Variants in CCSER1 observed in about 807,000 individuals in gnomAD.
The protein encoded by CCSER1 is serine-rich coiled-coil domain-containing protein 1.
Under a neutral mutation model 82.0 loss-of-function variants are expected in CCSER1, and 41 were observed. The observed-to-expected ratio is 0.50, with a 90% CI of 0.39 to 0.65. The LOEUF (loss-of-function observed/expected upper bound fraction) is 0.65, where lower values mean the gene tolerates loss of function less well. Among genes scored for constraint, CCSER1 ranks in the 30% least tolerant of loss-of-function variants. The pLI is 0.00. For missense variants in CCSER1, 1,119 were observed against 1,064.2 expected (o/e 1.05, Z -0.72); for synonymous variants, 414 against 383.9 (o/e 1.08, Z -0.92).
chr4:90,887,188 C>T (rs1722254929), intron 8 of CCSER1, among the ~76,000 whole-genome samples: 1 of 151,976 alleles, frequency 6.6e-6, no homozygotes, highest in Non-Finnish European at 1.5e-5. Flanking sequence ...ATTCAGGCCA[C>T]CAAGAAGAAT....
At chr4:91,182,884 T>TACCTC (rs1420540262) in intron 10 of CCSER1, among the ~76,000 whole-genome samples, 2 of 152,248 alleles carry the variant, frequency 1.3e-5, no homozygotes, top group African/African-American at 4.8e-5. Context: ...CTGTAAAAGA[T>TACCTC]GAGGCATGTA....
At chr4:90,408,050 C>G (rs1754018146) in intron 4 of CCSER1, among the ~76,000 whole-genome samples, 1 of 152,182 alleles carries the variant, frequency 6.6e-6, no homozygotes, top group Non-Finnish European at 1.5e-5. Context: ...GCACAGCAGT[C>G]TAAGATCAAA....
At chr4:91,555,444 A>G (rs1762353966) in intron 10 of CCSER1, among the ~76,000 whole-genome samples, 1 of 151,098 alleles carries the variant, frequency 6.6e-6, no homozygotes, top group Non-Finnish European at 1.5e-5. Flanking sequence ...GACTAGTTTA[A>G]AGCCCAATGC....
intron 1 of CCSER1, among the ~76,000 whole-genome samples, chr4:90,290,355 C>G (rs77359923): frequency 0.027 from 4,039 of 151,812 alleles, 61 homozygotes; most frequent in South Asian, 0.054. Context: ...GAAATATATA[C>G]ATAGGATTCC....
intron 7 of CCSER1, among the ~76,000 whole-genome samples, chr4:90,769,310 C>T (rs1375555162): frequency 3.9e-5 from 6 of 152,058 alleles, no homozygotes; most frequent in Admixed American, 2.6e-4. Flanking sequence ...ACATTTTCAG[C>T]TTGAACAAAG....
intron 5 of CCSER1, among the ~76,000 whole-genome samples, chr4:90,613,936 A>T (rs952779414): frequency 2.0e-5 from 3 of 152,196 alleles, no homozygotes; most frequent in Non-Finnish European, 2.9e-5. Context: ...CTCAGGTTTA[A>T]ATACTGGCAT....
chr4:91,165,432 C>G (rs544883257), intron 10 of CCSER1, among the ~76,000 whole-genome samples: 79 of 152,302 alleles, frequency 5.2e-4, no homozygotes, highest in African/African-American at 1.8e-3. Context: ...AGCTCAAACA[C>G]TGAGCTGGGT....
intron 8 of CCSER1, among the ~76,000 whole-genome samples, chr4:90,856,911 G>T (rs1172986007): frequency 2.0e-5 from 3 of 151,342 alleles, no homozygotes; most frequent in Non-Finnish European, 4.4e-5. Flanking sequence ...GTAGACTCTG[G>T]CAGGGACTCA....
chr4:90,706,304 G>T (rs944330629), intron 6 of CCSER1, among the ~76,000 whole-genome samples: 1 of 152,138 alleles, frequency 6.6e-6, no homozygotes. Flanking sequence ...AAAGTGGCCT[G>T]GCATGGTGGC....
At chr4:90,165,678 A>G (rs1262505206) in intron 1 of CCSER1, among the ~76,000 whole-genome samples, 3 of 152,078 alleles carry the variant, frequency 2.0e-5, no homozygotes, top group African/African-American at 7.2e-5. Flanking sequence ...AATGGTATAC[A>G]CATGTCATAC....
chr4:90,818,618 AT>A lies in CCSER1; in HGVS notation c.2094+2776del, dbSNP rs554834845. ...TCATTTAAATGCAAGTGTTTTAGTC[AT>A]TTGTTTTTAGGGCATGGTTTCTGAA... On this transcript the variant is annotated intron_variant, in intron 8 of 10. Transcript: ENST00000509176. Among the ~76,000 whole-genome samples, 335 of 152,178 alleles carry A rather than the reference AT, an allele frequency of 2.2e-3. 1 individual carries two copies. Among genetic ancestry groups the A allele is most frequent in the Non-Finnish European group, 2.9e-3 (196 of 67,998 alleles).
chr4:90,257,801 G>A (rs1723620267), intron 1 of CCSER1, among the ~76,000 whole-genome samples: 2 of 152,076 alleles, frequency 1.3e-5, no homozygotes, highest in South Asian at 2.1e-4. Flanking sequence ...GTAGCTCCCA[G>A]ACAGTCAAGT....
intron 6 of CCSER1, among the ~76,000 whole-genome samples, chr4:90,654,133 A>G (rs2149060800): frequency 6.6e-6 from 1 of 152,246 alleles, no homozygotes; most frequent in Middle Eastern, 3.4e-3. Flanking sequence ...TCAACATGAG[A>G]TTTGGGTGGG....
At chr4:91,156,944 T>C (rs1345735578) in intron 10 of CCSER1, among the ~76,000 whole-genome samples, 3 of 151,962 alleles carry the variant, frequency 2.0e-5, no homozygotes, top group African/African-American at 7.2e-5. Context: ...AAAGAAATCC[T>C]TCCATCTCTA....
At chr4:90,459,010 A>G (rs1006219303) in intron 4 of CCSER1, among the ~76,000 whole-genome samples, 4 of 152,166 alleles carry the variant, frequency 2.6e-5, no homozygotes, top group Non-Finnish European at 5.9e-5. Flanking sequence ...TATCTATTGT[A>G]TGCATATGTA....
At chr4:91,507,819 T>TACTTATCTAAG (rs1366742674) in intron 10 of CCSER1, among the ~76,000 whole-genome samples, 34 of 152,024 alleles carry the variant, frequency 2.2e-4, no homozygotes, top group African/African-American at 7.9e-4. Flanking sequence ...AGACATCAAA[T>TACTTATCTAAG]ACTTCAAGAT....
At chr4:90,780,211 A>G (rs2149606005) in intron 7 of CCSER1, among the ~76,000 whole-genome samples, 1 of 152,308 alleles carries the variant, frequency 6.6e-6, no homozygotes, top group South Asian at 2.1e-4. Flanking sequence ...TAGCTTATTT[A>G]CTTCTCAGTG....
At chr4:90,718,296 T>G (rs1742015377) in intron 6 of CCSER1, among the ~76,000 whole-genome samples, 1 of 152,142 alleles carries the variant, frequency 6.6e-6, no homozygotes, top group Admixed American at 6.6e-5. Flanking sequence ...CACTTAAATC[T>G]TTTTGTGTAC....
intron 10 of CCSER1, among the ~76,000 whole-genome samples, chr4:91,200,693 G>A (rs1735836815): frequency 6.6e-6 from 1 of 151,944 alleles, no homozygotes; most frequent in Admixed American, 6.6e-5. Context: ...TAGAGTGGAT[G>A]ATTTGTACGC....
Sources: allele counts gnomAD v4.1 joint callset (sites outside exome capture counted in the v4.1 genomes callset), GRCh38; gene constraint gnomAD v4.1.1; transcripts MANE v1.5; gene names NCBI Gene and HGNC (gene_info 2026-07-23, HGNC 2026-07-21).